Variants in ASMTL observed in about 807,000 individuals in gnomAD.
The protein encoded by ASMTL is probable bifunctional dTTP/UTP pyrophosphatase/methyltransferase protein.
Under a neutral mutation model 60.3 loss-of-function variants are expected in ASMTL, and 57 were observed. The ratio of observed to expected loss-of-function variants is 0.95; its 90% CI spans 0.76 to 1.18. The LOEUF (loss-of-function observed/expected upper bound fraction) is 1.18, where lower values mean the gene tolerates loss of function less well. Ranked by LOEUF, ASMTL falls within the 50% of genes most tolerant of loss-of-function variation. The pLI, the probability that ASMTL is intolerant of heterozygous loss-of-function variation, is 0.00. For missense variants in ASMTL, 981 were observed against 852.6 expected (o/e 1.15, Z -1.88); for synonymous variants, 419 against 373.0 (o/e 1.12, Z -1.42).
At chrX:1,432,648 T>TA (rs2090829697) in intron 5 of ASMTL, among the ~76,000 whole-genome samples, 1 of 149,942 alleles carries the variant, frequency 6.7e-6, no homozygotes, top group South Asian at 2.1e-4. Flanking sequence ...GCTAACACGG[T>TA]GAAACCCCGT....
intron 1 of ASMTL, 190 bp from the exon 2 acceptor site, chrX:1,442,507 A>C (rs1283097648): frequency 4.8e-6 from 1 of 206,902 alleles, no homozygotes; most frequent in Non-Finnish European, 8.4e-6. Flanking sequence ...GGCTTTCCCT[A>C]AGTGTGGTTA....
intron 11 of ASMTL, among the ~76,000 whole-genome samples, chrX:1,415,309 G>A (rs1332731276): frequency 2.0e-5 from 3 of 152,050 alleles, no homozygotes; most frequent in Non-Finnish European, 2.9e-5. Context: ...GACGGCTCTC[G>A]GGTCAGTTCC....
chrX:1,451,584 A>ACT (rs1436597000), intron 1 of ASMTL, among the ~76,000 whole-genome samples: 1 of 102,904 alleles, frequency 9.7e-6, no homozygotes, highest in South Asian at 3.3e-4. Context: ...GTTCTGGGTC[A>ACT]CTCCCTGCAA....
At chrX:1,405,431 G>A (rs1406784182) in intron 12 of ASMTL, among the ~76,000 whole-genome samples, 1 of 149,794 alleles carries the variant, frequency 6.7e-6, no homozygotes, top group Non-Finnish European at 1.5e-5. Flanking sequence ...TGGATGTGAT[G>A]GATGGATGGG....
chrX:1,434,849 T>G (rs1383443401), intron 5 of ASMTL, 173 bp downstream of exon 5: 1 of 169,236 alleles, frequency 5.9e-6, no homozygotes, highest in African/African-American at 2.4e-5. Context: ...CGTTTTCCTT[T>G]GTCCTGCAGA....
intron 2 of ASMTL, among the ~76,000 whole-genome samples, chrX:1,440,126 G>A (rs1476872620): frequency 2.6e-4 from 38 of 145,614 alleles, no homozygotes; most frequent in South Asian, 8.7e-4. Flanking sequence ...TCGCTCTGTC[G>A]CCCAGGCTGG....
chrX:1,443,937 C>CTTGGACAGACACTGCCATG (rs1448110245), intron 1 of ASMTL, among the ~76,000 whole-genome samples: 1 of 152,270 alleles, frequency 6.6e-6, no homozygotes, highest in African/African-American at 2.4e-5. Context: ...ACACCCCCGT[C>CTTGGACAGACACTGCCATG]TTGGACAGAC....
At chrX:1,447,963 A>G (rs2091264828) in intron 1 of ASMTL, among the ~76,000 whole-genome samples, 1 of 149,614 alleles carries the variant, frequency 6.7e-6, no homozygotes, top group Non-Finnish European at 1.5e-5. Context: ...GAAAAGCACC[A>G]CCATCTTGGA....
intron 3 of ASMTL, among the ~76,000 whole-genome samples, chrX:1,438,282 CA>C (rs61300976): frequency 0.4 from 58,088 of 143,860 alleles, 11,406 homozygotes; most frequent in East Asian, 0.48. Context: ...GACTCTCTCT[CA>C]AAAAAAAAAA....
chrX:1,426,470 G>A (rs1164796493), intron 7 of ASMTL, among the ~76,000 whole-genome samples: 3 of 152,142 alleles, frequency 2.0e-5, no homozygotes, highest in Admixed American at 2.0e-4. Context: ...GCTTCCCGGA[G>A]GACGCCCTGT....
rs1286373147 is a variant in ASMTL at position 1,431,308 on chromosome X, AATT to A, written c.509+958_509+960del. 1.7e-4 allele frequency among the ~76,000 whole-genome samples: 22 copies of A among 131,514 alleles called. No individual in the cohort carries two copies. In the South Asian group the frequency reaches 2.3e-3, roughly 14 times the overall value. The allele number at this position is 131,514 out of a possible 152,430, so 86.3% of individuals were successfully genotyped here. A position where few individuals can be genotyped will look rare whatever the true frequency, so the allele number is the denominator to read the frequency against. Reference sequence around the variant, plus strand: ...AAAATTAAATATATAAAATATATAAAATTATATATTTTATATATAATTATAAAT... The same window carrying A: ...AAAATTAAATATATAAAATATATAAAATATATTTTATATATAATTATAAAT... On this transcript the variant is annotated intron_variant, in intron 6 of 12. Coordinates refer to ENST00000381317, the MANE Select transcript of ASMTL (RefSeq NM_004192.4).
At chrX:1,448,760 GCACCACCATCTTGGACACA>G (rs1222687498) in intron 1 of ASMTL, among the ~76,000 whole-genome samples, 2 of 147,532 alleles carry the variant, frequency 1.4e-5, no homozygotes, top group Non-Finnish European at 3.0e-5. Flanking sequence ...TCTTGGATAA[GCACCACCATCTTGGACACA>G]CACCGCCATC....
At chrX:1,436,582 G>C (rs756067740) in intron 3 of ASMTL, among the ~76,000 whole-genome samples, 9 of 152,284 alleles carry the variant, frequency 5.9e-5, no homozygotes, top group African/African-American at 2.2e-4. Flanking sequence ...TCGATCTCCT[G>C]ACCTTGTGAT....
intron 5 of ASMTL, among the ~76,000 whole-genome samples, chrX:1,433,027 G>A (rs2090849942): frequency 6.6e-6 from 1 of 152,168 alleles, no homozygotes; most frequent in East Asian, 1.9e-4. Context: ...GAACCCGGGA[G>A]GCGGAGGTTG....
chrX:1,422,511 T>C (rs1371100315), intron 8 of ASMTL, among the ~76,000 whole-genome samples: 1 of 152,088 alleles, frequency 6.6e-6, no homozygotes, highest in Non-Finnish European at 1.5e-5. Context: ...GGGAACTTCA[T>C]TCTCCACCCA....
At chrX:1,417,737 G>T (rs868792534) in intron 11 of ASMTL, among the ~76,000 whole-genome samples, 2 of 87,368 alleles carry the variant, frequency 2.3e-5, no homozygotes, top group Non-Finnish European at 5.0e-5. Context: ...CACACACACA[G>T]ACATGCTCAC....
At chrX:1,428,218 G>C in intron 6 of ASMTL, 97 bp from the exon 7 acceptor site, 1 of 1,446,118 alleles carries the variant, frequency 6.9e-7, no homozygotes, top group Non-Finnish European at 9.3e-7. Flanking sequence ...TGGATCACGA[G>C]GTCGGGAGAT....
chrX:1,433,264 G>A (rs1345878939), intron 5 of ASMTL, among the ~76,000 whole-genome samples: 47 of 152,154 alleles, frequency 3.1e-4, no homozygotes, highest in Non-Finnish European at 6.0e-4. Context: ...TTAATGAGGG[G>A]CCTTTTGGAA....
chrX:1,437,781 CCG>C (rs2091008216), intron 3 of ASMTL, among the ~76,000 whole-genome samples: 1 of 151,252 alleles, frequency 6.6e-6, no homozygotes, highest in Admixed American at 6.6e-5. Context: ...CCTGTAGTCC[CCG>C]CTACTCGGGA....
Sources: gnomAD v4.1 joint callset for allele counts (sites outside exome capture counted in the v4.1 genomes callset) on GRCh38, gnomAD v4.1.1 for gene constraint, MANE v1.5 for transcripts, NCBI Gene and HGNC (gene_info 2026-07-23, HGNC 2026-07-21) for gene names.